Variants in ERC1 observed in about 807,000 individuals in gnomAD.
ERC1 encodes RAB6 interacting protein 2.
In ERC1, 56 loss-of-function variants were observed where a neutral mutation model predicts 132.0. The ratio of observed to expected loss-of-function variants is 0.42; its 90% CI spans 0.34 to 0.53. ERC1 has a LOEUF of 0.53. Ranked by LOEUF, ERC1 falls within the 20% of genes least tolerant of loss-of-function variation. ERC1 has a pLI of 0.03. For missense variants in ERC1, 1,202 were observed against 1,349.9 expected (o/e 0.89, Z 1.72); for synonymous variants, 478 against 476.1 (o/e 1.00, Z -0.05).
intron 15 of ERC1, 36 bp from the exon 16 acceptor site, chr12:1,371,797 G>A (rs745924174): frequency 1.9e-6 from 3 of 1,602,832 alleles, no homozygotes; most frequent in African/African-American, 2.7e-5. Context: ...GTTGGAAGGG[G>A]TGAATGGCGC....
chr12:1,132,478 A>G (rs1173714920), intron 7 of ERC1, among the ~76,000 whole-genome samples: 3 of 152,138 alleles, frequency 2.0e-5, no homozygotes, highest in Non-Finnish European at 4.4e-5. Flanking sequence ...ACACTCTCTC[A>G]GTGCCGTGCG....
intron 12 of ERC1, among the ~76,000 whole-genome samples, chr12:1,201,236 C>A (rs1025324836): frequency 2.0e-5 from 3 of 152,092 alleles, no homozygotes; most frequent in Non-Finnish European, 4.4e-5. Flanking sequence ...GATACACGTA[C>A]AAGTAAATGG....
chr12:1,199,891 A>G (rs1956744755), intron 12 of ERC1, among the ~76,000 whole-genome samples: 1 of 151,822 alleles, frequency 6.6e-6, no homozygotes, highest in Admixed American at 6.6e-5. Flanking sequence ...ATTAGCCCAA[A>G]TCCTATGAAC....
intron 8 of ERC1, among the ~76,000 whole-genome samples, chr12:1,155,306 C>T (rs1463204972): frequency 1.9e-5 from 2 of 105,996 alleles, no homozygotes; most frequent in African/African-American, 8.0e-5. Flanking sequence ...CAGGGCGAGA[C>T]TTCATCTCAA....
intron 12 of ERC1, chr12:1,203,839 G>A (rs1227665830): frequency 6.6e-6 from 1 of 152,256 alleles, no homozygotes; most frequent in Non-Finnish European, 1.5e-5. Context: ...AGCAGCATTG[G>A]AACTGAATTG....
intron 15 of ERC1, among the ~76,000 whole-genome samples, chr12:1,323,902 C>T (rs892189420): frequency 2.0e-5 from 3 of 152,126 alleles, no homozygotes; most frequent in Admixed American, 6.6e-5. Flanking sequence ...CCCGTTTTAC[C>T]GGAATTTCGC....
At chr12:992,624 TTGTA>T (rs1426080937) in intron 1 of ERC1, among the ~76,000 whole-genome samples, 10 of 152,180 alleles carry the variant, frequency 6.6e-5, no homozygotes, top group African/African-American at 2.4e-4. Context: ...GTGTGTCACT[TTGTA>T]TGGAAATATT....
At chr12:1,149,661 A>G (rs951258184) in intron 8 of ERC1, among the ~76,000 whole-genome samples, 4 of 152,090 alleles carry the variant, frequency 2.6e-5, no homozygotes, top group Non-Finnish European at 5.9e-5. Flanking sequence ...GGCCTCCCAA[A>G]GTGCTACGAT....
intron 15 of ERC1, among the ~76,000 whole-genome samples, chr12:1,348,418 G>A (rs954788586): frequency 1.3e-4 from 20 of 152,176 alleles, no homozygotes; most frequent in Non-Finnish European, 1.5e-5. Context: ...CAGGCGCAGT[G>A]GCTCACGCCT....
intron 12 of ERC1, among the ~76,000 whole-genome samples, chr12:1,211,309 C>T (rs1034761659): frequency 9.9e-5 from 15 of 152,070 alleles, no homozygotes; most frequent in African/African-American, 3.1e-4. Flanking sequence ...CCCCCATGCC[C>T]GGCTAATTTT....
rs1942597668 is a variant in ERC1 at position 1,083,948 on chromosome 12, A to T, written c.1086+368A>T. On this transcript the variant is annotated intron_variant, in intron 3 of 18. Coordinates refer to ENST00000360905, the MANE Select transcript of ERC1 (RefSeq NM_178040.4). ...AGAATAGCTAACCATTGCTTAATTTAAAAATATTAGTAAAAGAGAGTAAGC... is the reference window on the plus strand; with the variant it reads ...AGAATAGCTAACCATTGCTTAATTTTAAAATATTAGTAAAAGAGAGTAAGC... 3.3e-5 allele frequency among the ~76,000 whole-genome samples: 5 copies of T among 152,358 alleles called. No homozygotes were observed. The South Asian group carries it at 1.0e-3, about 32-fold the overall frequency.
chr12:1,001,659 A>G (rs116963985), intron 1 of ERC1, among the ~76,000 whole-genome samples: 3,951 of 152,224 alleles, frequency 0.026, 91 homozygotes, highest in Non-Finnish European at 0.043. Flanking sequence ...TATTGTATGT[A>G]TTCATGTCTG....
intron 14 of ERC1, among the ~76,000 whole-genome samples, chr12:1,273,991 G>A (rs2078066407): frequency 6.6e-6 from 1 of 152,132 alleles, no homozygotes. Flanking sequence ...AAGAAATAAT[G>A]GTGGAAGACT....
At chr12:1,207,450 C>T (rs1390943656) in intron 12 of ERC1, among the ~76,000 whole-genome samples, 1 of 152,100 alleles carries the variant, frequency 6.6e-6, no homozygotes, top group Admixed American at 6.5e-5. Flanking sequence ...ACTTTTCATT[C>T]CTTTCGCTTT....
intron 2 of ERC1, among the ~76,000 whole-genome samples, chr12:1,063,924 C>T (rs929354045): frequency 1.3e-5 from 2 of 152,004 alleles, no homozygotes; most frequent in African/African-American, 2.4e-5. Flanking sequence ...TTATTCTTTC[C>T]CTTCCAGATG....
chr12:1,007,536 C>CTGTG (rs1422285139), intron 1 of ERC1, among the ~76,000 whole-genome samples: 858 of 61,300 alleles, frequency 0.014, 7 homozygotes, highest in Non-Finnish European at 0.012. Context: ...CTCTCTCTCT[C>CTGTG]TCTCTGTGTG....
intron 16 of ERC1, chr12:1,387,130 T>C (rs1349843102): frequency 7.1e-6 from 1 of 140,442 alleles, no homozygotes; most frequent in Non-Finnish European, 1.5e-5. Context: ...CCTGATAACT[T>C]GTTTTCTGTT....
chr12:1,129,806 T>C (rs1408201344), intron 7 of ERC1, among the ~76,000 whole-genome samples: 1 of 144,090 alleles, frequency 6.9e-6, no homozygotes, highest in African/African-American at 2.7e-5. Context: ...AAAAGATGTA[T>C]GTTAGAAAGA....
In ERC1 at chr12:1,236,998, TTC is replaced by T. The variant is rs1297319207; in HGVS notation, c.2487+98_2487+99del. 2.7e-6 allele frequency: 4 copies of T among 1,456,528 alleles called. No individual in the cohort carries two copies. In the East Asian group the frequency reaches 7.0e-5, roughly 26 times the overall value. 90.2% of individuals were successfully genotyped at this position (1,456,528 alleles called of 1,614,324 possible). ...CTCTTCATCTTTATCCTCCTCTTTT[TTC>T]TCTTTCTAACCCTGCTTGCTGCCTT... is the stretch of plus-strand genomic sequence containing the variant. On this transcript the variant is annotated intron_variant, in intron 13 of 18. Coordinates refer to ENST00000360905, the MANE Select transcript of ERC1 (RefSeq NM_178040.4).
Sources: allele counts gnomAD v4.1 joint callset (sites outside exome capture counted in the v4.1 genomes callset), GRCh38; gene constraint gnomAD v4.1.1; transcripts MANE v1.5; gene names NCBI Gene and HGNC (gene_info 2026-07-23, HGNC 2026-07-21).